Variants in PIBF1 observed in about 807,000 individuals in gnomAD.
PIBF1 encodes the protein progesterone immunomodulatory binding factor 1, also known as progesterone-induced-blocking factor 1.
Under a neutral mutation model 112.5 loss-of-function variants are expected in PIBF1, and 90 were observed. The observed-to-expected ratio is 0.80, with a 90% CI of 0.67 to 0.95. The LOEUF is 0.95. PIBF1 is among the 40% of genes least tolerant of loss of function. The probability of loss-of-function intolerance (pLI) is 0.00; values close to 1 mark genes in which losing one functional copy is unlikely to be tolerated. For missense variants in PIBF1, 915 were observed against 852.3 expected (o/e 1.07, Z -0.92); for synonymous variants, 301 against 288.6 (o/e 1.04, Z -0.44).
chr13:72,939,303 CA>C (rs2041950038), intron 14 of PIBF1, among the ~76,000 whole-genome samples: 3 of 152,134 alleles, frequency 2.0e-5, no homozygotes. Context: ...CAGTGTTGTA[CA>C]ATCACTATCT....
Position 72,893,909 on chromosome 13 carries a change from A to G in PIBF1, c.1448A>G (p.Gln483Arg), listed in dbSNP as rs202145606. 3.4e-5 allele frequency: 55 copies of G among 1,608,916 alleles called. No individual in the cohort carries two copies. Among genetic ancestry groups the G allele is most frequent in the Admixed American group, 1.5e-4 (9 of 59,290 alleles). The stretch of plus-strand genomic sequence containing the variant: ...GAGGAAACAGCAAGAAATCTCACAC[A>G]GTGTCAATTGGAATGTGAAAAATAT... ...LQEETARNLT[Q>R]CQLECEKYQK... The change falls in exon 11 of 18, where the codon CAG (glutamine) becomes CGG (arginine). Residue 483 changes from glutamine (Q) to arginine (R), a missense_variant. Coordinates refer to ENST00000326291, the MANE Select transcript of PIBF1 (RefSeq NM_006346.4).
At chr13:72,935,442 C>G (rs1425432945) in intron 14 of PIBF1, among the ~76,000 whole-genome samples, 1 of 152,056 alleles carries the variant, frequency 6.6e-6, no homozygotes, top group Non-Finnish European at 1.5e-5. Flanking sequence ...TTTGTTTATC[C>G]ATTCACTTGT....
At chr13:72,812,496 C>T (rs2138069009) in intron 5 of PIBF1, among the ~76,000 whole-genome samples, 1 of 152,174 alleles carries the variant, frequency 6.6e-6, no homozygotes, top group Middle Eastern at 3.4e-3. Context: ...CTTTGGGAGG[C>T]CAAGGCAGGA....
chr13:72,835,405 A>G (rs1475915694), intron 9 of PIBF1, 37 bp downstream of exon 9: 5 of 1,481,552 alleles, frequency 3.4e-6, no homozygotes, highest in African/African-American at 1.4e-5. Flanking sequence ...TATTTTATTT[A>G]TCTTTGGAGG....
chr13:72,900,623 C>T (rs2040449853), intron 11 of PIBF1, among the ~76,000 whole-genome samples: 1 of 152,200 alleles, frequency 6.6e-6, no homozygotes, highest in Admixed American at 6.5e-5. Flanking sequence ...GGACTTAAAC[C>T]TAAGACCCAA....
intron 12 of PIBF1, among the ~76,000 whole-genome samples, chr13:72,915,638 T>G (rs1594188222): frequency 6.6e-6 from 1 of 152,304 alleles, no homozygotes; most frequent in African/African-American, 2.4e-5. Flanking sequence ...GTAGAGCTTA[T>G]TTGGAGAACT....
At chr13:72,973,143 AT>A in intron 15 of PIBF1, among the ~76,000 whole-genome samples, 1 of 152,250 alleles carries the variant, frequency 6.6e-6, no homozygotes, top group East Asian at 1.9e-4. Flanking sequence ...GCAGTGATGT[AT>A]GCCTGTAGTC....
chr13:72,855,476 C>T (rs1034384819), intron 10 of PIBF1, among the ~76,000 whole-genome samples: 2 of 151,924 alleles, frequency 1.3e-5, no homozygotes, highest in Non-Finnish European at 2.9e-5. Context: ...TGGTAAAACC[C>T]CGTCTCTACT....
At chr13:72,889,505 A>G (rs1020023765) in intron 10 of PIBF1, among the ~76,000 whole-genome samples, 1 of 152,186 alleles carries the variant, frequency 6.6e-6, no homozygotes, top group African/African-American at 2.4e-5. Flanking sequence ...CCATATTTCA[A>G]CATAAAGTTG....
intron 14 of PIBF1, among the ~76,000 whole-genome samples, chr13:72,955,301 C>T (rs965206737): frequency 2.0e-5 from 3 of 152,002 alleles, no homozygotes; most frequent in Middle Eastern, 3.4e-3. Flanking sequence ...TGGATCCAGA[C>T]AGTATGCTAG....
At chr13:72,869,453 C>A (rs1169809489) in intron 10 of PIBF1, among the ~76,000 whole-genome samples, 1 of 117,042 alleles carries the variant, frequency 8.5e-6, no homozygotes, top group African/African-American at 3.6e-5. Context: ...ACATCACACT[C>A]TGGGGACTGT....
chr13:72,893,906 C>T lies in PIBF1; in HGVS notation c.1445C>T (p.Thr482Ile). ...LLQEETARNL[T>I]QCQLECEKYQ... ...CAAGAGGAAACAGCAAGAAATCTCA[C>T]ACAGTGTCAATTGGAATGTGAAAAA... The change falls in exon 11 of 18, where the codon ACA becomes ATA. Residue 482 changes from threonine to isoleucine, a missense_variant. Coordinates refer to ENST00000326291, the MANE Select transcript of PIBF1 (RefSeq NM_006346.4). 1 of 1,608,834 alleles carries T rather than the reference C, an allele frequency of 6.2e-7. No homozygotes were observed. Among genetic ancestry groups the T allele is most frequent in the African/African-American group, 1.3e-5 (1 of 74,692 alleles).
chr13:72,973,585 T>A lies in PIBF1; in HGVS notation c.1965-6T>A. ...GACTTTTTAAAACTGGGGTTTTTTT[T>A]TTCAGCAACTTAAATAAAGAAAAGT... On this transcript the variant is annotated splice_region_variant and splice_polypyrimidine_tract_variant and intron_variant, in intron 15 of 17. Coordinates refer to ENST00000326291, the MANE Select transcript of PIBF1 (RefSeq NM_006346.4). 1 of 1,510,684 alleles carries A rather than the reference T, an allele frequency of 6.6e-7. No individual in the cohort carries two copies. Among genetic ancestry groups the A allele is most frequent in the Non-Finnish European group, 9.0e-7 (1 of 1,113,134 alleles). 93.6% of individuals were successfully genotyped at this position (1,510,684 alleles called of 1,614,324 possible).
At chr13:72,814,180 G>A (rs1159075976) in intron 5 of PIBF1, among the ~76,000 whole-genome samples, 2 of 152,172 alleles carry the variant, frequency 1.3e-5, no homozygotes, top group East Asian at 3.8e-4. Flanking sequence ...GCTCACGCCT[G>A]TAATCCCAGC....
At chr13:72,832,071 CCTT>C (rs146956201) in intron 8 of PIBF1, among the ~76,000 whole-genome samples, 5,293 of 58,470 alleles carry the variant, frequency 0.091, 1,196 homozygotes, top group Admixed American at 0.19. Context: ...GCAATTCCGG[CCTT>C]TTTTTTTTTT....
At chr13:72,942,134 G>A (rs1342213266) in intron 14 of PIBF1, among the ~76,000 whole-genome samples, 1 of 151,910 alleles carries the variant, frequency 6.6e-6, no homozygotes, top group Admixed American at 6.6e-5. Flanking sequence ...AAGAGTCTGT[G>A]GCACATACAA....
intron 5 of PIBF1, among the ~76,000 whole-genome samples, chr13:72,816,433 C>T (rs990916125): frequency 2.2e-4 from 33 of 152,106 alleles, no homozygotes; most frequent in African/African-American, 7.0e-4. Context: ...GGGGCTGAGG[C>T]GGGTGGATTC....
chr13:72,796,186 A>C (rs574485276), intron 4 of PIBF1, among the ~76,000 whole-genome samples: 1 of 152,158 alleles, frequency 6.6e-6, no homozygotes, highest in Non-Finnish European at 1.5e-5. Flanking sequence ...TGATAATGTC[A>C]TATGTCATGT....
chr13:72,783,282 CTGCAAT>C, intron 1 of PIBF1, 135 bp from the exon 2 acceptor site: 1 of 502,672 alleles, frequency 2.0e-6, no homozygotes, highest in Non-Finnish European at 3.5e-6. Flanking sequence ...ATTAACTTAA[CTGCAAT>C]AATCTGTTCT....
Sources: allele counts gnomAD v4.1 joint callset (sites outside exome capture counted in the v4.1 genomes callset), GRCh38; gene constraint gnomAD v4.1.1; transcripts MANE v1.5; gene names NCBI Gene and HGNC (gene_info 2026-07-23, HGNC 2026-07-21).